The following ABCA12 variants were observed in gnomAD, a reference collection of about 807,000 sequenced individuals.
ABCA12 encodes ATP binding cassette subfamily A member 12, also known as glucosylceramide transporter ABCA12.
A neutral mutation model predicts 293.5 loss-of-function variants in ABCA12; 156 were observed. The observed-to-expected ratio is 0.53, with a 90% CI of 0.47 to 0.61. The LOEUF is 0.61. ABCA12 is among the 20% of genes least tolerant of loss of function. The pLI is 0.00. For synonymous variants in ABCA12, 1,063 were observed against 1,108.0 expected (o/e 0.96, Z 0.81); for missense variants, 2,797 against 3,090.2 (o/e 0.91, Z 2.25).
Position 215,064,191 on chromosome 2 carries a change from AC to A in ABCA12, c.191del (p.Ser64IlefsTer46). On this transcript the variant is annotated frameshift_variant, in exon 3 of 53. Coordinates refer to ENST00000272895, the MANE Select transcript of ABCA12 (RefSeq NM_173076.3). LOFTEE classifies it high-confidence loss of function. ...TCYLAPRNLP[S>X]TGFFPFLQTL... ...TCTGCAGGAATGGAAAGAATCCAGT[AC>A]TAGGAAGGTTTCGAGGTGCGAGGTA... 2 of 1,612,780 alleles carry A rather than the reference AC, an allele frequency of 1.2e-6. No homozygotes were observed. Among genetic ancestry groups the A allele is most frequent in the Non-Finnish European group, 1.7e-6 (2 of 1,179,152 alleles).
At chr2:215,053,311 C>T (rs1701356335) in intron 4 of ABCA12, among the ~76,000 whole-genome samples, 1 of 152,046 alleles carries the variant, frequency 6.6e-6, no homozygotes. Context: ...TTTTGTCATC[C>T]TCAGAGCAAA....
intron 1 of ABCA12, 45 bp downstream of exon 1, chr2:215,138,094 GC>G: frequency 6.5e-7 from 1 of 1,540,342 alleles, no homozygotes; most frequent in Non-Finnish European, 9.0e-7. Flanking sequence ...GGATTACCTG[GC>G]GTATTGCCCC....
Position 215,019,589 on chromosome 2 carries a change from T to C in ABCA12, c.1495A>G (p.Arg499Gly), listed in dbSNP as rs573206836. ...YHDNVISKKV[R>G]DLLTGDPSKI... ...CTTGGATCTCCAGTCAGCAAATCTCTCACTTTTTTAGATATGACATTGTCA... is the reference window on the plus strand; with the variant it reads ...CTTGGATCTCCAGTCAGCAAATCTCCCACTTTTTTAGATATGACATTGTCA... Residue 499 changes from arginine (R) to glycine (G), a missense_variant, in exon 12 of 53, where the codon AGA (arginine) becomes GGA (glycine). By Grantham distance (125) the Arg-to-Gly change is moderately radical. This residue lies in a region of ABCA12 where 656 missense variants were observed against 638.2 expected (regional missense o/e 1.03). Transcript: ENST00000272895. 6.8e-6 allele frequency: 11 copies of C among 1,614,226 alleles called. No individual in the cohort carries two copies. In the South Asian group the frequency reaches 1.2e-4, roughly 18 times the overall value.
rs1277491166 is a variant in ABCA12 at position 215,138,575 on chromosome 2, C to CAA, written c.-368_-367insTT. On this transcript the variant is annotated 5_prime_UTR_variant, in exon 1 of 53. It removes the in-frame stop codon of an upstream open reading frame in the 5' UTR. Coordinates refer to ENST00000272895, the MANE Select transcript of ABCA12 (RefSeq NM_173076.3). ...TGCCTCACTGAAAAAAAAAAAAAAG[C>CAA]AGCAGCTGAACCCACACCTCCTACT... 1 of 313,240 alleles carries CAA rather than the reference C, an allele frequency of 3.2e-6. No homozygotes were observed. The highest frequency in any genetic ancestry group is 4.7e-5 in the Admixed American group (1 of 21,486). 19.4% of individuals were successfully genotyped at this position (313,240 alleles called of 1,614,324 possible). A position where few individuals can be genotyped will look rare whatever the true frequency, so the allele number is the denominator to read the frequency against.
At chr2:215,051,609 A>AGTTTGTGT (rs1701321852) in intron 5 of ABCA12, among the ~76,000 whole-genome samples, 1 of 121,356 alleles carries the variant, frequency 8.2e-6, no homozygotes, top group Admixed American at 8.7e-5. Context: ...TAAAAACGCT[A>AGTTTGTGT]GTGTGTGTGT....
chr2:215,134,650 G>C (rs948695823), intron 1 of ABCA12, among the ~76,000 whole-genome samples: 1 of 98,384 alleles, frequency 1.0e-5, no homozygotes, highest in African/African-American at 4.9e-5. Context: ...GACAAACAGA[G>C]AGAGAGAGAG....
intron 2 of ABCA12, chr2:215,075,700 C>A: frequency 3.3e-6 from 2 of 606,236 alleles, no homozygotes; most frequent in Non-Finnish European, 5.8e-6. Context: ...ATTTTGATAA[C>A]CCATTAAAAG....
intron 2 of ABCA12, among the ~76,000 whole-genome samples, chr2:215,096,438 T>C (rs1252328200): frequency 2.6e-5 from 4 of 152,188 alleles, no homozygotes; most frequent in African/African-American, 9.6e-5. Context: ...TCACAGTAAT[T>C]AATCTCTCAG....
chr2:214,940,955 C>T (rs539527174), intron 50 of ABCA12, among the ~76,000 whole-genome samples: 1 of 152,186 alleles, frequency 6.6e-6, no homozygotes, highest in South Asian at 2.1e-4. Flanking sequence ...TTTCGAGTCT[C>T]TATTTCCTTC....
intron 2 of ABCA12, among the ~76,000 whole-genome samples, chr2:215,071,195 T>A (rs1701730010): frequency 8.0e-6 from 1 of 125,492 alleles, no homozygotes; most frequent in Non-Finnish European, 1.6e-5. Flanking sequence ...AGATCCTGTC[T>A]CAAATAAAAT....
Position 215,001,645 on chromosome 2 carries a change from AT to A in ABCA12, c.2775del (p.Leu926TyrfsTer11). The A allele has an allele frequency of 6.2e-7, 1 of 1,613,818 alleles. No homozygotes were observed. The highest frequency in any genetic ancestry group is 8.5e-7 in the Non-Finnish European group (1 of 1,179,830). On this transcript the variant is annotated frameshift_variant, in exon 21 of 53. Coordinates refer to ENST00000272895, the MANE Select transcript of ABCA12 (RefSeq NM_173076.3). LOFTEE classifies it high-confidence loss of function. The part of the protein sequence containing the change: ...SSLTVNISSC[V>X]LYDRIQAAKT... ...TTTGCTGCCTGAATACGGTCATATA[AT>A]ACACAAGAGGAAATATTTACTGTCA...
Position 214,975,779 on chromosome 2 carries a change from A to T in ABCA12, c.5381+6T>A. Reference sequence around the variant, plus strand: ...ACATTCTTTTAGTTAACAGAAAGAAACTTACGCATAGAAGGCTGTCTGTTC... The same window carrying T: ...ACATTCTTTTAGTTAACAGAAAGAATCTTACGCATAGAAGGCTGTCTGTTC... On this transcript the variant is annotated splice_donor_region_variant and intron_variant, in intron 34 of 52. Coordinates refer to ENST00000272895, the MANE Select transcript of ABCA12 (RefSeq NM_173076.3). 1 of 1,614,076 alleles carries T rather than the reference A, an allele frequency of 6.2e-7. No homozygotes were observed. The highest frequency in any genetic ancestry group is 1.3e-5 in the African/African-American group (1 of 75,036).
chr2:215,083,192 A>G (rs1011972033), intron 2 of ABCA12, among the ~76,000 whole-genome samples: 1 of 152,204 alleles, frequency 6.6e-6, no homozygotes, highest in African/African-American at 2.4e-5. Flanking sequence ...TGTTACTGAG[A>G]TGTGTAAGAT....
rs758653727 is a variant in ABCA12, at chr2:214,956,691, C to T, written c.6205G>A (p.Ala2069Thr). 7 of 1,613,298 alleles carry T rather than the reference C, an allele frequency of 4.3e-6. No individual in the cohort carries two copies. In the African/African-American group the frequency reaches 5.3e-5, roughly 12 times the overall value. The part of the protein sequence containing the change: ...PAFYSENNLG[A>T]VSLLLLLFGY... ...AACAGGAGAAGTAGGAGAGATACAG[C>T]GCCTAGGTTGTTTTCACTGTAGAAT... Residue 2069 changes from alanine (A) to threonine (T), a missense_variant, in exon 42 of 53, where the codon GCT (alanine) becomes ACT (threonine). This residue lies in a region of ABCA12 where 2,130 missense variants were observed against 2,427.0 expected (regional missense o/e 0.88). Coordinates refer to ENST00000272895, the MANE Select transcript of ABCA12 (RefSeq NM_173076.3).
At chr2:215,012,163 C>G (rs765220177) in intron 15 of ABCA12, 28 bp from the exon 16 acceptor site, 1 of 1,609,012 alleles carries the variant, frequency 6.2e-7, no homozygotes, top group Non-Finnish European at 8.5e-7. Flanking sequence ...AAAATAAATG[C>G]TTTATGTGGA....
intron 33 of ABCA12, 53 bp downstream of exon 33, chr2:214,978,263 C>G (rs1699565974): frequency 1.2e-6 from 2 of 1,602,510 alleles, no homozygotes; most frequent in Non-Finnish European, 1.7e-6. Context: ...TGTGATTTTT[C>G]TCATTTATGT....
chr2:215,024,089 G>C (rs955827152), intron 11 of ABCA12, among the ~76,000 whole-genome samples: 3 of 152,098 alleles, frequency 2.0e-5, no homozygotes, highest in Admixed American at 1.3e-4. Flanking sequence ...AGGACTCTAT[G>C]TCTAGAATGC....
At chr2:215,080,997 A>G (rs1031659980) in intron 2 of ABCA12, 2 of 152,222 alleles carry the variant, frequency 1.3e-5, no homozygotes, top group African/African-American at 4.8e-5. Flanking sequence ...CAAAAAGTTG[A>G]AAATCACTTG....
At chr2:214,953,064 T>C (rs1698829642) in intron 44 of ABCA12, among the ~76,000 whole-genome samples, 1 of 152,250 alleles carries the variant, frequency 6.6e-6, no homozygotes, top group Non-Finnish European at 1.5e-5. Flanking sequence ...TCTATGGATA[T>C]GTCTGCATAA....
Sources: gnomAD v4.1 joint callset for allele counts (sites outside exome capture counted in the v4.1 genomes callset) on GRCh38, gnomAD v4.1.1 for gene constraint, gnomAD v4.1.1 regional missense constraint, MANE v1.5 for transcripts, NCBI Gene and HGNC (gene_info 2026-07-23, HGNC 2026-07-21) for gene names.